AGBL1: variants seen among roughly 807,000 people sequenced by gnomAD.
AGBL1 encodes the protein AGBL carboxypeptidase 1.
In AGBL1, 130 loss-of-function variants were observed where a neutral mutation model predicts 118.9. That is an observed-to-expected ratio of 1.09 (90% CI 0.95 to 1.26). AGBL1 has a LOEUF of 1.26. AGBL1 is among the 50% of genes most tolerant of loss of function. The pLI, the probability that AGBL1 is intolerant of heterozygous loss-of-function variation, is 0.00. For missense variants in AGBL1, 1,584 were observed against 1,298.1 expected (o/e 1.22, Z -3.38); for synonymous variants, 555 against 478.9 (o/e 1.16, Z -2.08).
chr15:86,847,317 T>C (rs2079334029), intron 22 of AGBL1, among the ~76,000 whole-genome samples: 1 of 152,200 alleles, frequency 6.6e-6, no homozygotes, highest in Non-Finnish European at 1.5e-5. Flanking sequence ...TACTTTCTTC[T>C]TTCTTTGTAT....
intron 1 of AGBL1, among the ~76,000 whole-genome samples, chr15:86,114,666 A>T (rs896378094): frequency 2.0e-5 from 3 of 152,108 alleles, no homozygotes; most frequent in Admixed American, 6.5e-5. Context: ...ATCCTGTTGA[A>T]GTTGTAGGCC....
At chr15:86,505,090 C>T (rs1247166063) in intron 18 of AGBL1, among the ~76,000 whole-genome samples, 3 of 151,712 alleles carry the variant, frequency 2.0e-5, no homozygotes, top group Non-Finnish European at 4.4e-5. Flanking sequence ...CTCACTGACT[C>T]TGGTCTCCAC....
intron 22 of AGBL1, among the ~76,000 whole-genome samples, chr15:86,733,431 C>G (rs1246382863): frequency 1.3e-5 from 2 of 152,166 alleles, no homozygotes; most frequent in East Asian, 1.9e-4. Flanking sequence ...TCCAGAAACA[C>G]AGACACCCAG....
chr15:86,800,566 C>A (rs1466597691), intron 22 of AGBL1, among the ~76,000 whole-genome samples: 1 of 152,040 alleles, frequency 6.6e-6, no homozygotes, highest in African/African-American at 2.4e-5. Flanking sequence ...CTTTGCATAA[C>A]TGGTTTACAA....
rs558252680 is a variant in AGBL1 at position 86,454,417 on chromosome 15, C to T, written c.2555+56871C>T. Among the ~76,000 whole-genome samples, 218 of 152,248 alleles carry T rather than the reference C, an allele frequency of 1.4e-3. 6 individuals are homozygous for T. In the South Asian group the frequency reaches 0.044, roughly 30 times the overall value. ...TATGATTCAGTGAATTCCACTGTCT[C>T]CCCAAGAGCAATAAAAACATGTCCA... On this transcript the variant is annotated intron_variant, in intron 18 of 22. Transcript: ENST00000614907.
At chr15:86,930,265 A>G (rs2080589698) in intron 23 of AGBL1, among the ~76,000 whole-genome samples, 1 of 152,218 alleles carries the variant, frequency 6.6e-6, no homozygotes, top group Non-Finnish European at 1.5e-5. Context: ...AACCCTCCAG[A>G]GTGAAAATAA....
At chr15:86,581,826 GT>G (rs1351444005) in intron 21 of AGBL1, among the ~76,000 whole-genome samples, 1 of 152,144 alleles carries the variant, frequency 6.6e-6, no homozygotes, top group African/African-American at 2.4e-5. Flanking sequence ...ACCAAGGAAG[GT>G]GGTGAAATGA....
intron 3 of AGBL1, among the ~76,000 whole-genome samples, chr15:86,150,589 C>A (rs145359390): frequency 0.031 from 4,697 of 152,276 alleles, 147 homozygotes; most frequent in Admixed American, 0.089. Flanking sequence ...AGTTGAATCT[C>A]TGAATAGACC....
chr15:86,807,219 T>C (rs1250458363), intron 22 of AGBL1, among the ~76,000 whole-genome samples: 1 of 152,172 alleles, frequency 6.6e-6, no homozygotes, highest in Non-Finnish European at 1.5e-5. Context: ...TAGTGAGCAC[T>C]TTAGCCTTGC....
chr15:86,269,888 A>T (rs372532821), intron 13 of AGBL1, 31 bp from the exon 14 acceptor site: 2 of 1,607,026 alleles, frequency 1.2e-6, no homozygotes, highest in East Asian at 2.2e-5. Context: ...GACTTTCCAG[A>T]TAACCCTCCA....
intron 23 of AGBL1, among the ~76,000 whole-genome samples, chr15:86,958,623 A>C (rs1326396362): frequency 6.6e-6 from 1 of 152,184 alleles, no homozygotes; most frequent in East Asian, 1.9e-4. Context: ...TTGATTAAAA[A>C]ACTAAATGTA....
intron 17 of AGBL1, among the ~76,000 whole-genome samples, chr15:86,332,645 CA>C (rs60036454): frequency 0.66 from 58,899 of 89,022 alleles, 16,620 homozygotes; most frequent in Middle Eastern, 0.72. Flanking sequence ...GACTCCATCT[CA>C]AAAAAAAAAA....
intron 3 of AGBL1, among the ~76,000 whole-genome samples, chr15:86,151,162 G>A (rs556125860): frequency 2.0e-5 from 3 of 151,490 alleles, no homozygotes; most frequent in Admixed American, 6.6e-5. Flanking sequence ...GTGGGGTGGG[G>A]TGGGGGAGGG....
intron 23 of AGBL1, among the ~76,000 whole-genome samples, chr15:86,923,506 C>T (rs1477699891): frequency 1.3e-5 from 2 of 152,192 alleles, no homozygotes; most frequent in Non-Finnish European, 2.9e-5. Flanking sequence ...ATCTGAGTAT[C>T]TTTTGTAACT....
chr15:86,557,014 A>C (rs1183320143), intron 21 of AGBL1, among the ~76,000 whole-genome samples: 4 of 152,212 alleles, frequency 2.6e-5, no homozygotes, highest in Non-Finnish European at 4.4e-5. Flanking sequence ...ATTACCTTAA[A>C]ATAATGATTA....
intron 6 of AGBL1, among the ~76,000 whole-genome samples, chr15:86,225,298 T>G (rs2078344745): frequency 6.6e-6 from 1 of 151,978 alleles, no homozygotes; most frequent in Admixed American, 6.6e-5. Flanking sequence ...CCCTAAAGAT[T>G]GTTGAAATAA....
chr15:86,723,962 G>A (rs933927696), intron 22 of AGBL1, among the ~76,000 whole-genome samples: 4 of 152,048 alleles, frequency 2.6e-5, no homozygotes, highest in South Asian at 2.1e-4. Flanking sequence ...TAGGCCGGGC[G>A]CAGTGGCTCA....
At chr15:86,369,674 A>G (rs2080943206) in intron 17 of AGBL1, among the ~76,000 whole-genome samples, 1 of 152,176 alleles carries the variant, frequency 6.6e-6, no homozygotes, top group Admixed American at 6.5e-5. Flanking sequence ...AACAAGAGAC[A>G]TACTTAAGAT....
intron 21 of AGBL1, among the ~76,000 whole-genome samples, chr15:86,612,807 C>T (rs1240450563): frequency 1.3e-5 from 2 of 152,124 alleles, no homozygotes; most frequent in African/African-American, 2.4e-5. Context: ...TCTCTGAAGC[C>T]GGCTGGCCTG....
Sources: allele counts gnomAD v4.1 joint callset (sites outside exome capture counted in the v4.1 genomes callset), GRCh38; gene constraint gnomAD v4.1.1; transcripts MANE v1.5; gene names NCBI Gene and HGNC (gene_info 2026-07-23, HGNC 2026-07-21).